PCDH7: variants seen among roughly 807,000 people sequenced by gnomAD.
PCDH7 encodes protocadherin-7.
A neutral mutation model predicts 58.9 loss-of-function variants in PCDH7; 17 were observed. That is an observed-to-expected ratio of 0.29 (90% CI 0.20 to 0.43). The LOEUF (loss-of-function observed/expected upper bound fraction) is 0.43. Among genes scored for constraint, PCDH7 ranks in the 20% least tolerant of loss-of-function variants. The pLI is 1.00. For missense variants in PCDH7, 1,274 were observed against 1,441.0 expected, an observed-to-expected ratio of 0.88 and a Z score of 1.88; for synonymous variants, 664 against 616.4, an observed-to-expected ratio of 1.08 and a Z score of -1.14.
intron 1 of PCDH7, among the ~76,000 whole-genome samples, chr4:30,836,526 G>A (rs1281702517): frequency 6.6e-6 from 1 of 152,178 alleles, no homozygotes; most frequent in Non-Finnish European, 1.5e-5. Flanking sequence ...GCTTTATAAA[G>A]AATAACCAAT....
At chr4:30,928,809 G>T (rs1044900736) in intron 2 of PCDH7, among the ~76,000 whole-genome samples, 7 of 151,988 alleles carry the variant, frequency 4.6e-5, no homozygotes, top group Non-Finnish European at 1.0e-4. Flanking sequence ...TTATTATACT[G>T]GCCTGGAGGC....
rs1454401807 is a variant in PCDH7, at chr4:30,824,155, CTTTCTTTT to C, written c.71-95996_71-95989del. Among the ~76,000 whole-genome samples, 80 of 70,204 alleles carry C rather than the reference CTTTCTTTT, an allele frequency of 1.1e-3. 1 individual carries two copies. The East Asian group carries it at 0.027, about 24-fold the overall frequency. 46.1% of individuals were successfully genotyped at this position (70,204 alleles called of 152,430 possible). A position where few individuals can be genotyped will look rare whatever the true frequency, so the allele number is the denominator to read the frequency against. Reference sequence around the variant, plus strand: ...TCTTTCTTTCTTTCTTTCTTTCTTTCTTTCTTTTTGCTTCCCTCATATATGTGATTCTC... The same window carrying C: ...TCTTTCTTTCTTTCTTTCTTTCTTTCTGCTTCCCTCATATATGTGATTCTC... On this transcript the variant is annotated intron_variant, in intron 1 of 3. Transcript: ENST00000509759.
At chr4:31,020,705 C>A (rs1202552233) in intron 3 of PCDH7, among the ~76,000 whole-genome samples, 6 of 152,224 alleles carry the variant, frequency 3.9e-5, no homozygotes, top group African/African-American at 1.4e-4. Flanking sequence ...AACACCCCAG[C>A]AATCTTAGTT....
intron 1 of PCDH7, among the ~76,000 whole-genome samples, chr4:30,913,497 T>C (rs1742042523): frequency 1.3e-5 from 2 of 152,152 alleles, no homozygotes; most frequent in African/African-American, 4.8e-5. Context: ...GGGATAGAAT[T>C]TGGCTGCTAG....
At chr4:30,858,724 C>G (rs1733800912) in intron 1 of PCDH7, among the ~76,000 whole-genome samples, 1 of 152,110 alleles carries the variant, frequency 6.6e-6, no homozygotes, top group Admixed American at 6.6e-5. Context: ...GAGCTGTTTA[C>G]TGATTTCCTA....
intron 1 of PCDH7, among the ~76,000 whole-genome samples, chr4:30,805,302 T>C (rs954846334): frequency 2.6e-5 from 4 of 152,158 alleles, no homozygotes; most frequent in African/African-American, 9.7e-5. Context: ...GGGGGTCATA[T>C]GGTAGGTTTT....
intron 3 of PCDH7, among the ~76,000 whole-genome samples, chr4:31,059,598 G>T (rs965604836): frequency 2.0e-5 from 3 of 151,724 alleles, no homozygotes; most frequent in Non-Finnish European, 4.4e-5. Context: ...CATAGTAAAA[G>T]AATATGATTT....
Position 30,722,459 on chromosome 4 carries a change from T to G in PCDH7, c.1037T>G (p.Val346Gly), listed in dbSNP as rs1406635422. The G allele has an allele frequency of 2.5e-6, 4 of 1,609,842 alleles. No homozygotes were observed. The highest frequency in any genetic ancestry group is 3.4e-6 in the Non-Finnish European group (4 of 1,178,692). Residue 346 changes from valine (V) to glycine (G), a missense_variant, in exon 1 of 2, where the codon GTG becomes GGG. By Grantham distance (109) the Val-to-Gly change is moderately radical. Around this residue, in one of 3 missense-constraint regions of PCDH7, gnomAD observed 331 missense variants for 303.2 expected, o/e 1.09. Coordinates refer to ENST00000361762, the Ensembl canonical transcript of PCDH7. The surrounding 1 kb of genome is among the most constrained non-coding windows in gnomAD (Gnocchi z 7.6). ...GGGGTCAACGGGCAGATCGAATACG[T>G]GTTCGGGGCGGCCACCGAGTCGGTG...
At chr4:30,847,120 C>CAATA (rs1314408734) in intron 1 of PCDH7, among the ~76,000 whole-genome samples, 1 of 150,752 alleles carries the variant, frequency 6.6e-6, no homozygotes, top group Non-Finnish European at 1.5e-5. Flanking sequence ...GAGATCTTGT[C>CAATA]AATAAATAAA....
intron 1 of PCDH7, among the ~76,000 whole-genome samples, chr4:30,822,888 G>A (rs1728553934): frequency 6.6e-6 from 1 of 152,066 alleles, no homozygotes; most frequent in African/African-American, 2.4e-5. Flanking sequence ...AAAGCAACAG[G>A]ATCCTTCTCA....
chr4:30,930,565 T>A (rs552426208), intron 2 of PCDH7, among the ~76,000 whole-genome samples: 1 of 152,234 alleles, frequency 6.6e-6, no homozygotes, highest in East Asian at 1.9e-4. Flanking sequence ...CCAAACAGAA[T>A]GTTGAAAAGT....
intron 3 of PCDH7, among the ~76,000 whole-genome samples, chr4:31,070,789 T>C (rs1167240374): frequency 1.3e-5 from 2 of 151,986 alleles, no homozygotes; most frequent in Non-Finnish European, 2.9e-5. Flanking sequence ...TTGTAGAAAA[T>C]AGAGGAAGTT....
At chr4:30,855,162 C>A (rs1733297036) in intron 1 of PCDH7, among the ~76,000 whole-genome samples, 4 of 152,156 alleles carry the variant, frequency 2.6e-5, no homozygotes, top group African/African-American at 9.7e-5. Flanking sequence ...ATTGGTGAAG[C>A]ATCCATGCAT....
In PCDH7 at chr4:31,101,504, C is replaced by T. The variant is rs187690826; in HGVS notation, c.*8-40969C>T. Among the ~76,000 whole-genome samples the T allele has an allele frequency of 2.4e-4, 37 of 152,178 alleles. 2 individuals carry two copies. Among genetic ancestry groups the T allele is most frequent in the African/African-American group, 7.9e-4 (33 of 41,512 alleles). Reference sequence around the variant, plus strand: ...TTCTTTCCTCTTTGCAATAAGCATACTTAGGGAAAAAGCAATGAACAATTG... The same window carrying T: ...TTCTTTCCTCTTTGCAATAAGCATATTTAGGGAAAAAGCAATGAACAATTG... On this transcript the variant is annotated intron_variant, in intron 3 of 3. Transcript: ENST00000509759.
intron 1 of PCDH7, among the ~76,000 whole-genome samples, chr4:30,785,861 T>G (rs928804714): frequency 1.3e-5 from 2 of 151,988 alleles, no homozygotes; most frequent in African/African-American, 2.4e-5. Context: ...TGAAAGTGAT[T>G]TATTATTATT....
chr4:30,887,665 A>T (rs1370929206), intron 1 of PCDH7, among the ~76,000 whole-genome samples: 1 of 152,198 alleles, frequency 6.6e-6, no homozygotes, highest in East Asian at 1.9e-4. Context: ...AATTTTGTTG[A>T]TTTATTAGTT....
intron 3 of PCDH7, among the ~76,000 whole-genome samples, chr4:31,121,125 G>A (rs192848789): frequency 6.6e-6 from 1 of 152,128 alleles, no homozygotes; most frequent in Non-Finnish European, 1.5e-5. Context: ...ACAGGTCGCT[G>A]TAAAGATAAA....
chr4:31,143,208 A>G (rs1321824705), downstream of PCDH7: 1 of 167,544 alleles, frequency 6.0e-6, no homozygotes, highest in African/African-American at 2.4e-5. Context: ...AGAACACAAC[A>G]CACCCTCATT....
chr4:31,125,087 G>C, intron 3 of PCDH7, among the ~76,000 whole-genome samples: 1 of 152,088 alleles, frequency 6.6e-6, no homozygotes, highest in East Asian at 1.9e-4. Flanking sequence ...TTTTTTAGCT[G>C]AATATGGCTT....
Sources: gnomAD v4.1 joint callset for allele counts (sites outside exome capture counted in the v4.1 genomes callset) on GRCh38, gnomAD v4.1.1 for gene constraint, gnomAD v4.1.1 regional missense constraint, Gnocchi (gnomAD v3.1) non-coding constraint, MANE v1.5 for transcripts, NCBI Gene and HGNC (gene_info 2026-07-23, HGNC 2026-07-21) for gene names.